AGMO: variants seen among roughly 807,000 people sequenced by gnomAD.
The protein encoded by AGMO is alkylglycerol monooxygenase, also known as glyceryl-ether monooxygenase.
AGMO carries 75 observed loss-of-function variants against 60.2 expected under a neutral mutation model. The observed-to-expected ratio is 1.25, with a 90% CI of 1.03 to 1.51. The LOEUF is 1.51. Among genes scored for constraint, AGMO ranks in the 40% most tolerant of loss-of-function variants. The pLI, the probability that AGMO is intolerant of heterozygous loss-of-function variation, is 0.00. For synonymous variants in AGMO, 261 were observed against 177.1 expected (o/e 1.47, Z -3.76); for missense variants, 763 against 525.5 (o/e 1.45, Z -4.42).
intron 10 of AGMO, among the ~76,000 whole-genome samples, chr7:15,382,607 G>T (rs947246923): frequency 1.3e-5 from 2 of 152,144 alleles, no homozygotes; most frequent in Non-Finnish European, 2.9e-5. Flanking sequence ...AAGCTGTAAG[G>T]GCAGGATGAC....
intron 12 of AGMO, among the ~76,000 whole-genome samples, chr7:15,291,434 G>A (rs529885450): frequency 5.3e-5 from 8 of 152,056 alleles, no homozygotes; most frequent in Non-Finnish European, 1.0e-4. Flanking sequence ...CCGGTATAGT[G>A]TTCTTCTTAA....
chr7:15,275,688 G>T (rs1371970026), intron 12 of AGMO, among the ~76,000 whole-genome samples: 2 of 152,082 alleles, frequency 1.3e-5, no homozygotes, highest in African/African-American at 4.8e-5. Context: ...CTTAGGTTAA[G>T]TAGTATTTAT....
the AGMO span, among the ~76,000 whole-genome samples, chr7:15,132,296 C>T: frequency 1.3e-5 from 2 of 152,142 alleles, no homozygotes; most frequent in African/African-American, 4.8e-5. Context: ...TCAGGCACTA[C>T]TCTCAGAGTT....
At position 15,253,692 on chromosome 7, in the gene AGMO, G is replaced by A. The variant is rs904872383; in HGVS notation, c.1264-52333C>T. Among the ~76,000 whole-genome samples the A allele has an allele frequency of 2.0e-4, 31 of 152,036 alleles. No homozygotes were observed. The East Asian group carries it at 2.1e-3, about 10-fold the overall frequency. ...CACCAGAAACGTTTATTATTTCTTT[G>A]TTGTGACAATACTGAAAATTCTCTC... is the stretch of plus-strand genomic sequence containing the variant. On this transcript the variant is annotated intron_variant, in intron 12 of 12. Transcript: ENST00000342526.
chr7:15,218,594 A>T, intron 12 of AGMO, among the ~76,000 whole-genome samples: 1 of 152,218 alleles, frequency 6.6e-6, no homozygotes, highest in South Asian at 2.1e-4. Context: ...CTTGGCTAAT[A>T]TACAATTTTG....
intron 12 of AGMO, among the ~76,000 whole-genome samples, chr7:15,342,692 T>C (rs1393506953): frequency 6.8e-6 from 1 of 146,158 alleles, no homozygotes; most frequent in East Asian, 2.0e-4. Flanking sequence ...ATTAAATACA[T>C]ATTTAGAAAA....
At chr7:15,331,130 G>A (rs1018101165) in intron 12 of AGMO, among the ~76,000 whole-genome samples, 1 of 152,112 alleles carries the variant, frequency 6.6e-6, no homozygotes, top group Non-Finnish European at 1.5e-5. Flanking sequence ...TTAATAGCCA[G>A]TATCTTTGTA....
chr7:15,247,566 C>A (rs1782784965), intron 12 of AGMO, among the ~76,000 whole-genome samples: 1 of 151,954 alleles, frequency 6.6e-6, no homozygotes, highest in African/African-American at 2.4e-5. Context: ...AAGCCATTTT[C>A]TGACAATCCT....
At chr7:15,462,450 T>A (rs1213425470) in intron 3 of AGMO, among the ~76,000 whole-genome samples, 1 of 152,158 alleles carries the variant, frequency 6.6e-6, no homozygotes, top group South Asian at 2.1e-4. Flanking sequence ...GTACACAACA[T>A]TGGAAAAGTT....
chr7:15,342,172 T>TAAAAAAAAAAAAAAAAAAAAAAAAAAA (rs775057626), intron 12 of AGMO, among the ~76,000 whole-genome samples: 2 of 54,304 alleles, frequency 3.7e-5, no homozygotes, highest in African/African-American at 1.9e-4. Flanking sequence ...CCCACAGAGT[T>TAAAAAAAAAAAAAAAAAAAAAAAAAAA]AAAAAAAAAA....
In AGMO at chr7:15,560,185, A is replaced by C. The variant is rs1038519472; in HGVS notation, c.213T>G (p.Asp71Glu). ...CACCAGCTGAGATTGACGTTAAAGCATCATCCAGGCGACCTGGTGGCTTTC... is the reference window on the plus strand; with the variant it reads ...CACCAGCTGAGATTGACGTTAAAGCCTCATCCAGGCGACCTGGTGGCTTTC... ...LKGKPPGRLDDALTSISAGVL... is the reference protein window; with the variant it reads ...LKGKPPGRLDEALTSISAGVL... Residue 71 changes from aspartate to glutamate, a missense_variant, in exon 2 of 13, where the codon GAT becomes GAG. Asp to Glu is a conservative substitution (Grantham distance 45). Coordinates refer to ENST00000342526, the MANE Select transcript of AGMO (RefSeq NM_001004320.2). 1 of 1,613,284 alleles carries C rather than the reference A, an allele frequency of 6.2e-7. No individual in the cohort carries two copies. Among genetic ancestry groups the C allele is most frequent in the East Asian group, 2.2e-5 (1 of 44,854 alleles).
At chr7:15,385,390 T>G in intron 10 of AGMO, 56 bp downstream of exon 10, 3 of 1,228,090 alleles carry the variant, frequency 2.4e-6, no homozygotes, top group African/African-American at 1.5e-5. Flanking sequence ...TTATTTTCAT[T>G]TTCAAACAAA....
At chr7:15,374,419 G>GT (rs1172191902) in intron 10 of AGMO, among the ~76,000 whole-genome samples, 2 of 152,000 alleles carry the variant, frequency 1.3e-5, no homozygotes, top group Non-Finnish European at 2.9e-5. Flanking sequence ...TTGACATGGA[G>GT]TTCATCAGTT....
chr7:15,347,512 T>C (rs567965045), intron 12 of AGMO, among the ~76,000 whole-genome samples: 2 of 152,140 alleles, frequency 1.3e-5, no homozygotes, highest in African/African-American at 4.8e-5. Context: ...CTCCTCTATA[T>C]GTCTATCCTA....
At position 15,354,663 on chromosome 7, in the gene AGMO, A is replaced by G. The variant is rs181688345; in HGVS notation, c.1263+10851T>C. On this transcript the variant is annotated intron_variant, in intron 12 of 12. Transcript: ENST00000342526. ...TTCATAAGGGTGGTAAGTGAAAGAA[A>G]ACAATTTTTTAAGTGGCGGGATACT... Among the ~76,000 whole-genome samples, 484 of 138,654 alleles carry G rather than the reference A, an allele frequency of 3.5e-3. 2 individuals carry two copies. The highest frequency in any genetic ancestry group is 0.012 in the African/African-American group (443 of 36,858). The allele number at this position is 138,654 out of a possible 152,430, so 91.0% of individuals were successfully genotyped here.
At chr7:15,176,238 C>T in the AGMO span, among the ~76,000 whole-genome samples, 1 of 151,836 alleles carries the variant, frequency 6.6e-6, no homozygotes, top group South Asian at 2.1e-4. Context: ...AGTTTTTTAT[C>T]CTGTTTCTTC....
At chr7:15,360,930 C>A (rs143219599) in intron 12 of AGMO, among the ~76,000 whole-genome samples, 2,201 of 131,180 alleles carry the variant, frequency 0.017, 31 homozygotes, top group Middle Eastern at 0.1. Context: ...GAAGAAAAAA[C>A]CAGATAAATT....
chr7:15,424,585 A>G (rs1409668304), intron 4 of AGMO, among the ~76,000 whole-genome samples: 1 of 152,220 alleles, frequency 6.6e-6, no homozygotes, highest in Admixed American at 6.5e-5. Context: ...TGTAAGCTAC[A>G]GAATAATTAA....
chr7:15,529,552 A>G (rs7793855), intron 3 of AGMO, among the ~76,000 whole-genome samples: 90,397 of 115,804 alleles, frequency 0.78, 35,493 homozygotes, highest in East Asian at 0.96. Flanking sequence ...TTCTATATAT[A>G]TAGAATATAT....
Sources: allele counts gnomAD v4.1 joint callset (sites outside exome capture counted in the v4.1 genomes callset), GRCh38; gene constraint gnomAD v4.1.1; transcripts MANE v1.5; gene names NCBI Gene and HGNC (gene_info 2026-07-23, HGNC 2026-07-21).